The following PVR variants were observed in gnomAD, a reference collection of about 807,000 sequenced individuals.
PVR encodes poliovirus receptor.
PVR carries 39 observed loss-of-function variants against 43.3 expected under a neutral mutation model. The observed-to-expected ratio is 0.90, with a 90% CI of 0.70 to 1.18. PVR has a LOEUF of 1.18. PVR is among the 50% of genes most tolerant of loss of function. The pLI, the probability that PVR is intolerant of heterozygous loss-of-function variation, is 0.00. For missense variants in PVR, 480 were observed against 549.7 expected (o/e 0.87, Z 1.27); for synonymous variants, 224 against 233.2 (o/e 0.96, Z 0.36).
At chr19:44,661,400 C>T in intron 7 of PVR, 77 bp downstream of exon 7, 1 of 1,488,430 alleles carries the variant, frequency 6.7e-7, no homozygotes, top group African/African-American at 1.4e-5. Flanking sequence ...ATGCCCACGG[C>T]CCGGCCTCAG....
chr19:44,647,099 G>A (rs1428713010), intron 1 of PVR, 124 bp from the exon 2 acceptor site: 2 of 36,342 alleles, frequency 5.5e-5, no homozygotes, highest in Non-Finnish European at 1.0e-4. Flanking sequence ...CACACCCCAC[G>A]GTCCACCGGG....
chr19:44,657,640 A>G, intron 4 of PVR, 122 bp from the exon 5 acceptor site: 1 of 943,136 alleles, frequency 1.1e-6, no homozygotes, highest in South Asian at 1.6e-5. Flanking sequence ...GGGGGCCTCC[A>G]GAGTTGCTCT....
intron 1 of PVR, among the ~76,000 whole-genome samples, chr19:44,646,219 C>T (rs904719898): frequency 1.0e-4 from 15 of 148,026 alleles, no homozygotes; most frequent in African/African-American, 3.2e-4. Context: ...GTTAAGTAAC[C>T]GGCCTGAAGC....
At chr19:44,648,450 G>T (rs542450999) in intron 2 of PVR, among the ~76,000 whole-genome samples, 144 of 152,004 alleles carry the variant, frequency 9.5e-4, no homozygotes, top group Middle Eastern at 3.4e-3. Context: ...CTCATCTGTG[G>T]GATAGGGATC....
intron 3 of PVR, among the ~76,000 whole-genome samples, chr19:44,650,953 T>C (rs950950041): frequency 7.9e-5 from 12 of 152,138 alleles, no homozygotes; most frequent in Non-Finnish European, 1.6e-4. Context: ...TCCTACAGCC[T>C]CACCCTTCCA....
rs1174942214 is a variant in PVR at position 44,663,993 on chromosome 19, T to C, written c.*2182T>C. On this transcript the variant is annotated 3_prime_UTR_variant, in exon 8 of 8. Transcript: ENST00000425690. ...AAAGACATGAGGGATCCATTCTAATTTGTGTTTGGAGTGTAATGGTCCAGC... is the reference window on the plus strand; with the variant it reads ...AAAGACATGAGGGATCCATTCTAATCTGTGTTTGGAGTGTAATGGTCCAGC... 1 of 152,156 alleles carries C rather than the reference T, an allele frequency of 6.6e-6. No individual in the cohort carries two copies. The highest frequency in any genetic ancestry group is 1.5e-5 in the Non-Finnish European group (1 of 68,030). 9.4% of individuals were successfully genotyped at this position (152,156 alleles called of 1,614,324 possible).
At position 44,659,681 on chromosome 19, in the gene PVR, C is replaced by A. The variant is rs567645938; in HGVS notation, c.1150+781C>A. ...ATTTTTAGGAGAGACAGCGTTTCGCCATGTTGGCCAGGCTGGTCTCAAACC... is the reference window on the plus strand; with the variant it reads ...ATTTTTAGGAGAGACAGCGTTTCGCAATGTTGGCCAGGCTGGTCTCAAACC... On this transcript the variant is annotated intron_variant, in intron 6 of 7. Coordinates refer to ENST00000425690, the MANE Select transcript of PVR (RefSeq NM_006505.5). Among the ~76,000 whole-genome samples, 15 of 152,068 alleles carry A rather than the reference C, an allele frequency of 9.9e-5. No individual in the cohort carries two copies. In the South Asian group the frequency reaches 2.7e-3, roughly 27 times the overall value.
chr19:44,650,561 CTTTT>C (rs869225120), intron 3 of PVR, among the ~76,000 whole-genome samples: 1 of 135,526 alleles, frequency 7.4e-6, no homozygotes, highest in African/African-American at 2.8e-5. Flanking sequence ...TCTTTCTTTC[CTTTT>C]TTTTTTTTTT....
intron 6 of PVR, among the ~76,000 whole-genome samples, chr19:44,659,960 C>A (rs944224046): frequency 1.3e-5 from 2 of 152,330 alleles, no homozygotes; most frequent in East Asian, 3.9e-4. Flanking sequence ...TTTCCTTCAA[C>A]CACTAAACAA....
chr19:44,657,508 G>A (rs1356544831), intron 4 of PVR, among the ~76,000 whole-genome samples: 1 of 152,196 alleles, frequency 6.6e-6, no homozygotes, highest in Admixed American at 6.5e-5. Flanking sequence ...GATGCACAGC[G>A]CCAGAGCAGG....
At chr19:44,657,194 C>A (rs1469087547) in intron 4 of PVR, among the ~76,000 whole-genome samples, 2 of 152,158 alleles carry the variant, frequency 1.3e-5, no homozygotes. Context: ...TAAGCAAACA[C>A]CCTGGACACC....
At chr19:44,645,096 A>G in intron 1 of PVR, among the ~76,000 whole-genome samples, 1 of 96,248 alleles carries the variant, frequency 1.0e-5, no homozygotes, top group South Asian at 2.8e-4. Context: ...TAAAATATAT[A>G]ATATATATTA....
chr19:44,652,764 C>T (rs1973318327), intron 3 of PVR, among the ~76,000 whole-genome samples: 1 of 152,212 alleles, frequency 6.6e-6, no homozygotes, highest in Non-Finnish European at 1.5e-5. Context: ...ATCCTCCTGC[C>T]TCAACCTCCC....
intron 4 of PVR, among the ~76,000 whole-genome samples, chr19:44,656,421 T>C (rs1313192819): frequency 6.6e-6 from 1 of 152,222 alleles, no homozygotes; most frequent in Non-Finnish European, 1.5e-5. Context: ...GCCAGATAGC[T>C]GCGTTTGCAT....
intron 2 of PVR, among the ~76,000 whole-genome samples, chr19:44,648,822 G>A (rs552571535): frequency 1.6e-4 from 24 of 152,284 alleles, no homozygotes; most frequent in African/African-American, 5.8e-4. Context: ...CTGGGATTCT[G>A]GGTATCATGG....
chr19:44,651,975 G>A (rs760772853), intron 3 of PVR, among the ~76,000 whole-genome samples: 104 of 151,216 alleles, frequency 6.9e-4, no homozygotes, highest in Non-Finnish European at 1.2e-3. Context: ...GATCAATGTG[G>A]TGAAACTCTG....
At position 44,650,096 on chromosome 19, in the gene PVR, A is replaced by G. The variant is rs751210444; in HGVS notation, c.715A>G (p.Thr239Ala). The change falls in exon 3 of 8, where the codon ACC (threonine) becomes GCC (alanine). Residue 239 changes from threonine to alanine, a missense_variant. Thr to Ala is a moderately conservative substitution (Grantham distance 58). Transcript: ENST00000425690. Reference protein sequence around the residue: ...EKPQLLTVNLTVYYPPEVSIS... With the variant: ...EKPQLLTVNLAVYYPPEVSIS... ...GCCTCAGCTGCTGACTGTGAACCTC[A>G]CCGTGTACTGTGAGTGTGCCCAAGT... 6.5e-6 allele frequency: 10 copies of G among 1,528,786 alleles called. No individual in the cohort carries two copies. Among genetic ancestry groups the G allele is most frequent in the Middle Eastern group, 3.5e-4 (2 of 5,658 alleles). The allele number at this position is 1,528,786 out of a possible 1,614,324, so 94.7% of individuals were successfully genotyped here. A position where few individuals can be genotyped will look rare whatever the true frequency, so the allele number is the denominator to read the frequency against.
At chr19:44,661,373 A>G in intron 7 of PVR, 50 bp downstream of exon 7, 1 of 1,586,926 alleles carries the variant, frequency 6.3e-7, no homozygotes, top group East Asian at 2.2e-5. Context: ...CACGAACTAC[A>G]GACCAGACGT....
rs3890405 is a variant in PVR, at chr19:44,663,971, G to T, written c.*2160G>T. On this transcript the variant is annotated 3_prime_UTR_variant, in exon 8 of 8. Transcript: ENST00000425690. ...ACGTCCCAAAATTAGAAGATAAAAAGACATGAGGGATCCATTCTAATTTGT... is the reference window on the plus strand; with the variant it reads ...ACGTCCCAAAATTAGAAGATAAAAATACATGAGGGATCCATTCTAATTTGT... 6.6e-6 allele frequency among the ~76,000 whole-genome samples: 1 copy of T among 152,010 alleles called. No homozygotes were observed. The highest frequency in any genetic ancestry group is 1.5e-5 in the Non-Finnish European group (1 of 68,000).
Sources: allele counts gnomAD v4.1 joint callset (sites outside exome capture counted in the v4.1 genomes callset), GRCh38; gene constraint gnomAD v4.1.1; transcripts MANE v1.5; gene names NCBI Gene and HGNC (gene_info 2026-07-23, HGNC 2026-07-21).